RAF1: variants seen among roughly 807,000 people sequenced by gnomAD.
RAF1 encodes the protein Raf-1 proto-oncogene, serine/threonine kinase.
A neutral mutation model predicts 81.1 loss-of-function variants in RAF1; 27 were observed. The observed-to-expected ratio is 0.33, with a 90% CI of 0.25 to 0.46. The LOEUF is 0.46. RAF1 is among the 20% of genes least tolerant of loss of function. RAF1 has a pLI of 1.00. For synonymous variants in RAF1, 298 were observed against 294.0 expected (o/e 1.01, Z -0.14); for missense variants, 598 against 826.0 (o/e 0.72, Z 3.38).
At chr3:12,618,385 A>G in intron 2 of RAF1, 130 bp downstream of exon 2, 1 of 940,154 alleles carries the variant, frequency 1.1e-6, no homozygotes, top group Non-Finnish European at 1.6e-6. Context: ...ATAAATCTGC[A>G]GTTAGAAAAA....
chr3:12,597,627 G>A (rs1286021734), intron 11 of RAF1, among the ~76,000 whole-genome samples: 1 of 152,052 alleles, frequency 6.6e-6, no homozygotes, highest in African/African-American at 2.4e-5. Context: ...AAAATATTCT[G>A]CAACTGGCTG....
chr3:12,601,478 C>T (rs1575567965), intron 8 of RAF1, among the ~76,000 whole-genome samples: 1 of 152,250 alleles, frequency 6.6e-6, no homozygotes, highest in Admixed American at 6.5e-5. Flanking sequence ...ATCTAAAATT[C>T]ATCGCTTGGA....
chr3:12,629,974 G>T (rs2059814926), intron 1 of RAF1, among the ~76,000 whole-genome samples: 1 of 152,110 alleles, frequency 6.6e-6, no homozygotes, highest in South Asian at 2.1e-4. Flanking sequence ...TAGAGACGAA[G>T]TCTCACTATC....
Position 12,643,917 on chromosome 3 carries a change from C to T in RAF1, c.-27+19896G>A, listed in dbSNP as rs1297307994. 3.9e-5 allele frequency among the ~76,000 whole-genome samples: 6 copies of T among 152,250 alleles called. No individual in the cohort carries two copies. The South Asian group carries it at 1.2e-3, about 32-fold the overall frequency. Reference sequence around the variant, plus strand: ...ATTTTCAACTCAACAGTCATTTCAGCCTTCTCACCCTGTGGTCCACCTCTA... The same window carrying T: ...ATTTTCAACTCAACAGTCATTTCAGTCTTCTCACCCTGTGGTCCACCTCTA... On this transcript the variant is annotated intron_variant, in intron 1 of 17. Transcript: ENST00000442415.
chr3:12,639,462 T>C (rs1358272110), intron 1 of RAF1, among the ~76,000 whole-genome samples: 1 of 152,150 alleles, frequency 6.6e-6, no homozygotes, highest in African/African-American at 2.4e-5. Context: ...TGATTGTATA[T>C]TTAGAAAACC....
At position 12,584,612 on chromosome 3, in the gene RAF1, T is replaced by G; in HGVS notation, c.1909A>C (p.Asn637His). ...AAGGATGGCTCGGAAGCGCTCCGGT[T>G]GATCTTCGGTAGAGAGTGTTGGAGC... is the stretch of plus-strand genomic sequence containing the variant. Residue 637 changes from asparagine (N) to histidine (H), a missense_variant, in exon 18 of 18, where the codon AAC becomes CAC. Transcript: ENST00000442415. 1 of 1,614,038 alleles carries G rather than the reference T, an allele frequency of 6.2e-7. No homozygotes were observed.
At chr3:12,654,174 G>C (rs942707319) in intron 1 of RAF1, among the ~76,000 whole-genome samples, 4 of 41,604 alleles carry the variant, frequency 9.6e-5, no homozygotes, top group Admixed American at 3.0e-4. Flanking sequence ...TGGTTTTAGA[G>C]ATGGGGTCTC....
At chr3:12,663,155 C>A (rs1398327412) in intron 1 of RAF1, among the ~76,000 whole-genome samples, 1 of 152,242 alleles carries the variant, frequency 6.6e-6, no homozygotes, top group Admixed American at 6.5e-5. Context: ...AGAGCCTCAG[C>A]AGCTGCAGAG....
At chr3:12,645,054 G>A (rs1049923576) in intron 1 of RAF1, among the ~76,000 whole-genome samples, 5 of 138,588 alleles carry the variant, frequency 3.6e-5, no homozygotes, top group South Asian at 4.5e-4. Context: ...AGCCAAGAGC[G>A]CATCACTGCA....
chr3:12,607,005 A>C (rs1342495417), intron 5 of RAF1, among the ~76,000 whole-genome samples: 3 of 152,156 alleles, frequency 2.0e-5, no homozygotes. Flanking sequence ...GTGCATTTCT[A>C]GGAAATACTG....
Position 12,600,244 on chromosome 3 carries a change from G to C in RAF1, c.958C>G (p.Leu320Val). 6.2e-7 allele frequency: 1 copy of C among 1,614,208 alleles called. No homozygotes were observed. The highest frequency in any genetic ancestry group is 2.2e-5 in the East Asian group (1 of 44,882). ...GGCTGTGACCAGCCTGTTGGGCTCA[G>C]ATTGTTGGGGCTACTGGACAGGGCT... Residue 320 changes from leucine (L) to valine (V), a missense_variant, in exon 10 of 18, where the codon CTG (leucine) becomes GTG (valine). By Grantham distance (32) the Leu-to-Val change is conservative (BLOSUM62 1). Around this residue, in one of 5 missense-constraint regions of RAF1, gnomAD observed 194 missense variants for 202.7 expected, o/e 0.96. Transcript: ENST00000442415.
intron 1 of RAF1, among the ~76,000 whole-genome samples, chr3:12,621,024 T>C (rs866595738): frequency 6.6e-6 from 1 of 152,292 alleles, no homozygotes; most frequent in Middle Eastern, 3.4e-3. Flanking sequence ...TTGAGGTTGA[T>C]AAGGAATCCC....
chr3:12,592,942 T>C (rs970498548), intron 11 of RAF1, among the ~76,000 whole-genome samples: 5 of 151,496 alleles, frequency 3.3e-5, no homozygotes, highest in African/African-American at 4.9e-5. Context: ...GGTTTCACCA[T>C]GTTAGCCAGG....
chr3:12,632,809 G>C (rs2059902799), intron 1 of RAF1, among the ~76,000 whole-genome samples: 1 of 152,042 alleles, frequency 6.6e-6, no homozygotes, highest in East Asian at 1.9e-4. Flanking sequence ...ACCTTGTAAT[G>C]ACATGGACAC....
chr3:12,618,495 T>G lies in RAF1; in HGVS notation c.207+20A>C, dbSNP rs756726368. The G allele has an allele frequency of 1.8e-5, 29 of 1,613,376 alleles. No individual in the cohort carries two copies. The highest frequency in any genetic ancestry group is 2.5e-5 in the Non-Finnish European group (29 of 1,179,456). ...CAGGCAGATAAATAGCTAAATTTCC[T>G]AAGTAGAATGTTCACATACCACTGT... On this transcript the variant is annotated intron_variant, in intron 2 of 17. Transcript: ENST00000442415.
At chr3:12,591,498 A>G (rs2125345765) in intron 12 of RAF1, among the ~76,000 whole-genome samples, 1 of 152,318 alleles carries the variant, frequency 6.6e-6, no homozygotes, top group Non-Finnish European at 1.5e-5. Flanking sequence ...GTATTCTCCT[A>G]AAAAGGGGCT....
chr3:12,619,095 AT>A (rs2059469100), intron 1 of RAF1, among the ~76,000 whole-genome samples: 2 of 152,114 alleles, frequency 1.3e-5, no homozygotes, highest in Admixed American at 1.3e-4. Context: ...AATACAAAAA[AT>A]TAGCCGGGCG....
chr3:12,630,786 C>T (rs1282051007), intron 1 of RAF1, among the ~76,000 whole-genome samples: 2 of 152,242 alleles, frequency 1.3e-5, no homozygotes, highest in East Asian at 3.9e-4. Flanking sequence ...AGAGGAAAGG[C>T]ACAAAAGGCA....
Position 12,585,124 on chromosome 3 carries a change from G to C in RAF1, c.1726C>G (p.Gln576Glu), listed in dbSNP as rs1033853285. The C allele has an allele frequency of 1.2e-6, 2 of 1,614,172 alleles. No individual in the cohort carries two copies. The highest frequency in any genetic ancestry group is 1.7e-5 in the Admixed American group (1 of 60,016). ...CTTTCGCACCAGCACAGACTTACCT[G>C]ATCTCGGTTGTTGATGTGAGAATAA... The change falls in exon 16 of 18, where the codon CAG becomes GAG. Residue 576 changes from glutamine to glutamate, a missense_variant and splice_region_variant. This residue lies in a region of RAF1 where 147 missense variants were observed against 196.1 expected (regional missense o/e 0.75). Coordinates refer to ENST00000442415, the MANE Select transcript of RAF1 (RefSeq NM_001354689.3).
Sources: allele counts gnomAD v4.1 joint callset (sites outside exome capture counted in the v4.1 genomes callset), GRCh38; gene constraint gnomAD v4.1.1; regional missense constraint gnomAD v4.1.1; transcripts MANE v1.5; gene names NCBI Gene and HGNC (gene_info 2026-07-23, HGNC 2026-07-21).